Variants in RARB observed in about 807,000 individuals in gnomAD.
The protein encoded by RARB is retinoic acid receptor beta.
A neutral mutation model predicts 51.9 loss-of-function variants in RARB; 17 were observed. The observed-to-expected ratio is 0.33, with a 90% CI of 0.22 to 0.49. RARB has a LOEUF of 0.49. Among genes scored for constraint, RARB ranks in the 20% least tolerant of loss-of-function variants. The pLI is 0.99. For missense variants in RARB, 369 were observed against 550.8 expected (o/e 0.67, Z 3.30); for synonymous variants, 215 against 195.4 (o/e 1.10, Z -0.84).
intron 2 of RARB, among the ~76,000 whole-genome samples, chr3:24,947,159 G>C (rs2125403645): frequency 6.6e-6 from 1 of 152,210 alleles, no homozygotes; most frequent in South Asian, 2.1e-4. Context: ...GGAGAAACAT[G>C]GGCAAATTAT....
intron 7 of RARB, 54 bp downstream of exon 7, chr3:25,594,732 C>A: frequency 7.0e-7 from 1 of 1,432,390 alleles, no homozygotes; most frequent in Non-Finnish European, 9.2e-7. Flanking sequence ...GAGGGCCTTA[C>A]CAGGTTGTGT....
chr3:25,393,747 A>G (rs1339152515), intron 5 of RARB, among the ~76,000 whole-genome samples: 1 of 151,990 alleles, frequency 6.6e-6, no homozygotes, highest in Non-Finnish European at 1.5e-5. Flanking sequence ...TCTGTGGTAT[A>G]CATTGTAATA....
chr3:25,198,260 A>G (rs1701296787), intron 5 of RARB, among the ~76,000 whole-genome samples: 1 of 152,100 alleles, frequency 6.6e-6, no homozygotes, highest in Admixed American at 6.6e-5. Flanking sequence ...CTTACCATAT[A>G]CAAAAATGAT....
intron 3 of RARB, among the ~76,000 whole-genome samples, chr3:25,069,003 A>G (rs1698718261): frequency 6.7e-6 from 1 of 150,042 alleles, no homozygotes; most frequent in East Asian, 2.0e-4. Context: ...GGGAGACTAA[A>G]TCTTCCTCTG....
At chr3:25,146,495 T>G (rs1700192429) in intron 4 of RARB, among the ~76,000 whole-genome samples, 1 of 129,304 alleles carries the variant, frequency 7.7e-6, no homozygotes, top group South Asian at 2.3e-4. Context: ...TTGCTAAGTT[T>G]TTTGTTTGTT....
intron 1 of RARB, among the ~76,000 whole-genome samples, chr3:25,438,847 G>A (rs781596997): frequency 1.1e-4 from 16 of 152,296 alleles, no homozygotes; most frequent in East Asian, 1.9e-4. Flanking sequence ...ACTGTAACTC[G>A]CATAGCTTCC....
intron 4 of RARB, among the ~76,000 whole-genome samples, chr3:25,576,689 C>A (rs1700949082): frequency 6.6e-6 from 1 of 152,212 alleles, no homozygotes; most frequent in Non-Finnish European, 1.5e-5. Context: ...GAGACCCTCC[C>A]TACCTGCCCT....
chr3:24,847,171 C>A (rs187341454), intron 1 of RARB, among the ~76,000 whole-genome samples: 1 of 152,156 alleles, frequency 6.6e-6, no homozygotes, highest in African/African-American at 2.4e-5. Flanking sequence ...GGGAACCAGC[C>A]GTCTGTGCTT....
chr3:25,592,409 A>G (rs114921041), intron 5 of RARB, among the ~76,000 whole-genome samples: 2,708 of 152,260 alleles, frequency 0.018, 82 homozygotes, highest in African/African-American at 0.06. Context: ...TTTTTCAGAG[A>G]GAAAAGTCAA....
intron 5 of RARB, among the ~76,000 whole-genome samples, chr3:25,588,018 A>G (rs1701467394): frequency 1.3e-5 from 2 of 152,252 alleles, no homozygotes; most frequent in Non-Finnish European, 2.9e-5. Flanking sequence ...TGTTCTAGAT[A>G]TTAAAGACAC....
intron 5 of RARB, among the ~76,000 whole-genome samples, chr3:25,312,830 G>A (rs1307914665): frequency 2.0e-5 from 3 of 152,156 alleles, no homozygotes; most frequent in African/African-American, 4.8e-5. Context: ...TGTCCCTCGC[G>A]GATAGACATG....
chr3:25,287,734 T>G (rs577517203), intron 5 of RARB, among the ~76,000 whole-genome samples: 1 of 152,334 alleles, frequency 6.6e-6, no homozygotes, highest in Admixed American at 6.5e-5. Flanking sequence ...TGATGTCTTA[T>G]GTATTGCATA....
At chr3:25,144,043 T>A (rs73048438) in intron 4 of RARB, among the ~76,000 whole-genome samples, 1 of 152,202 alleles carries the variant, frequency 6.6e-6, no homozygotes, top group Non-Finnish European at 1.5e-5. Flanking sequence ...TTTTTTCTTA[T>A]GGGAATCAAT....
chr3:25,287,573 G>A (rs1406805474), intron 5 of RARB, among the ~76,000 whole-genome samples: 4 of 152,226 alleles, frequency 2.6e-5, no homozygotes, highest in Admixed American at 1.3e-4. Context: ...CTTTAGTATT[G>A]GGCCAAGCAG....
Position 24,946,090 on chromosome 3 carries a change from C to A in RARB, c.-380+87338C>A, listed in dbSNP as rs577234738. On this transcript the variant is annotated intron_variant, in intron 2 of 11. Coordinates refer to the RARB transcript ENST00000383772. ...ATCATCCTGGCTAACACGGTGAAAC[C>A]CTGTCTCTACTAAAAATACAGAAAA... Among the ~76,000 whole-genome samples the A allele has an allele frequency of 1.3e-3, 192 of 151,854 alleles. 1 individual carries two copies. Among genetic ancestry groups the A allele is most frequent in the African/African-American group, 4.5e-3 (185 of 41,438 alleles).
At chr3:25,410,976 C>A (rs1707547166) in intron 5 of RARB, among the ~76,000 whole-genome samples, 1 of 152,210 alleles carries the variant, frequency 6.6e-6, no homozygotes, top group South Asian at 2.1e-4. Flanking sequence ...GCATTTGAAA[C>A]ATTTTCAGAG....
chr3:25,058,887 CTAA>C (rs1575140599), intron 2 of RARB, among the ~76,000 whole-genome samples: 1 of 151,064 alleles, frequency 6.6e-6, no homozygotes, highest in Non-Finnish European at 1.5e-5. Flanking sequence ...TTTATAGCTC[CTAA>C]ATAATTCTTA....
intron 5 of RARB, among the ~76,000 whole-genome samples, chr3:25,309,415 A>G (rs1020674155): frequency 8.7e-5 from 13 of 148,878 alleles, no homozygotes; most frequent in Non-Finnish European, 1.5e-4. Context: ...CTGGGATAAC[A>G]GGCGTGAGCC....
At chr3:24,889,908 G>GAAA (rs76271154) in intron 2 of RARB, among the ~76,000 whole-genome samples, 49 of 113,002 alleles carry the variant, frequency 4.3e-4, no homozygotes, top group African/African-American at 1.4e-3. Context: ...GAGCAGGCAT[G>GAAA]AAAAAAAAAA....
Sources: gnomAD v4.1 joint callset for allele counts (sites outside exome capture counted in the v4.1 genomes callset) on GRCh38, gnomAD v4.1.1 for gene constraint, MANE v1.5 for transcripts, NCBI Gene and HGNC (gene_info 2026-07-23, HGNC 2026-07-21) for gene names.